The following VTI1A variants were observed in gnomAD, a reference collection of about 807,000 sequenced individuals.
VTI1A encodes the protein vesicle transport through interaction with t-SNAREs 1A, also known as vesicle transport through interaction with t-SNAREs homolog 1A.
In VTI1A, 22 loss-of-function variants were observed where a neutral mutation model predicts 34.9. That is an observed-to-expected ratio of 0.63 (90% CI 0.45 to 0.90). The LOEUF is 0.90. VTI1A is among the 40% of genes least tolerant of loss of function. The pLI, the probability that VTI1A is intolerant of heterozygous loss-of-function variation, is 0.00. For missense variants in VTI1A, 268 were observed against 275.6 expected (o/e 0.97, Z 0.20); for synonymous variants, 87 against 97.3 (o/e 0.89, Z 0.62).
At chr10:112,792,921 T>C (rs1284938709) in intron 7 of VTI1A, among the ~76,000 whole-genome samples, 1 of 152,176 alleles carries the variant, frequency 6.6e-6, no homozygotes, top group Admixed American at 6.5e-5. Flanking sequence ...ATGCTTTCAG[T>C]TGTTAATTGG....
intron 1 of VTI1A, chr10:112,450,594 G>A (rs41292620): frequency 6.6e-6 from 1 of 151,994 alleles, no homozygotes; most frequent in African/African-American, 2.4e-5. Flanking sequence ...TTACTCTGCT[G>A]TGCATGTTAC....
At chr10:112,500,581 G>T (rs545482842) in intron 3 of VTI1A, among the ~76,000 whole-genome samples, 2 of 152,222 alleles carry the variant, frequency 1.3e-5, no homozygotes, top group East Asian at 3.9e-4. Flanking sequence ...AAGCTAAGTG[G>T]CTTTCCACTG....
intron 5 of VTI1A, among the ~76,000 whole-genome samples, chr10:112,573,008 A>G (rs771364323): frequency 2.0e-5 from 3 of 151,878 alleles, no homozygotes; most frequent in Non-Finnish European, 4.4e-5. Context: ...ATCCCATCTC[A>G]CCACAATACT....
chr10:112,546,647 C>G lies in VTI1A; in HGVS notation c.427+8317C>G, dbSNP rs116621474. Among the ~76,000 whole-genome samples the G allele has an allele frequency of 4.1e-3, 624 of 151,944 alleles. 1 individual carries two copies. The highest frequency in any genetic ancestry group is 5.6e-3 in the African/African-American group (231 of 41,330). ...TTATTTTTGTCAAAACACATTTTAT[C>G]TCTATATTTAACACTACTCACATCC... On this transcript the variant is annotated intron_variant, in intron 5 of 7. Transcript: ENST00000393077.
chr10:112,701,386 G>A (rs945556412), intron 7 of VTI1A, among the ~76,000 whole-genome samples: 5 of 152,154 alleles, frequency 3.3e-5, no homozygotes, highest in African/African-American at 9.7e-5. Flanking sequence ...GGAAATTTAG[G>A]GGGGCTCTTC....
chr10:112,566,540 G>C (rs866828470), intron 5 of VTI1A, among the ~76,000 whole-genome samples: 2 of 152,072 alleles, frequency 1.3e-5, no homozygotes, highest in Non-Finnish European at 2.9e-5. Context: ...ATTTCTTTGC[G>C]AAAATACTCT....
intron 5 of VTI1A, among the ~76,000 whole-genome samples, chr10:112,618,516 T>TAGAGAGAGAGAGAGAG (rs1295144968): frequency 1.9e-3 from 86 of 46,382 alleles, no homozygotes; most frequent in African/African-American, 5.2e-3. Context: ...TATATATATA[T>TAGAGAGAGAGAGAGAG]ATATATATAG....
At chr10:112,540,664 C>T (rs1042651611) in intron 5 of VTI1A, among the ~76,000 whole-genome samples, 2 of 152,166 alleles carry the variant, frequency 1.3e-5, no homozygotes, top group East Asian at 1.9e-4. Context: ...GGGTGGGCAC[C>T]ATATTGCTTC....
chr10:112,655,757 C>G (rs1019715202), intron 5 of VTI1A, among the ~76,000 whole-genome samples: 13 of 152,140 alleles, frequency 8.5e-5, no homozygotes, highest in African/African-American at 2.2e-4. Flanking sequence ...TTTTGGACTA[C>G]AGAATGTTGA....
intron 7 of VTI1A, among the ~76,000 whole-genome samples, chr10:112,774,464 G>A (rs1339473397): frequency 6.6e-6 from 1 of 151,858 alleles, no homozygotes; most frequent in East Asian, 1.9e-4. Flanking sequence ...AGATGAGTGT[G>A]AAGAAGGTGA....
rs1846878812 is a variant in VTI1A, at chr10:112,447,319, C to T, written c.-55C>T. The T allele has an allele frequency of 2.0e-5, 32 of 1,571,386 alleles. No individual in the cohort carries two copies. Among genetic ancestry groups the T allele is most frequent in the Admixed American group, 3.6e-5 (2 of 55,872 alleles). Reference sequence around the variant, plus strand: ...AGCCGCGGGGCCCCTCGCTGCCCCTCGAGGCCCTTTCCCTGACCTAGGCTT... The same window carrying T: ...AGCCGCGGGGCCCCTCGCTGCCCCTTGAGGCCCTTTCCCTGACCTAGGCTT... On this transcript the variant is annotated 5_prime_UTR_variant, in exon 1 of 8. Transcript: ENST00000393077.
At chr10:112,736,602 ATAAGAAACC>A in intron 7 of VTI1A, 1 of 1,466,498 alleles carries the variant, frequency 6.8e-7, no homozygotes, top group Non-Finnish European at 9.1e-7. Flanking sequence ...GGCTCCTCTG[ATAAGAAACC>A]AAAGCCTGCT....
intron 7 of VTI1A, among the ~76,000 whole-genome samples, chr10:112,755,858 C>T (rs1226629984): frequency 3.9e-5 from 6 of 152,152 alleles, no homozygotes; most frequent in Non-Finnish European, 8.8e-5. Flanking sequence ...GTGCAGTCAG[C>T]CTGTCTGCAG....
intron 7 of VTI1A, among the ~76,000 whole-genome samples, chr10:112,728,154 G>A (rs1048104460): frequency 2.6e-5 from 4 of 151,864 alleles, no homozygotes; most frequent in Admixed American, 6.6e-5. Context: ...CAGTCCCTGC[G>A]TAAAGAGACA....
At chr10:112,648,895 T>A (rs899873271) in intron 5 of VTI1A, among the ~76,000 whole-genome samples, 1 of 152,208 alleles carries the variant, frequency 6.6e-6, no homozygotes, top group African/African-American at 2.4e-5. Flanking sequence ...GTAAAATATA[T>A]ATCTATTAAA....
chr10:112,565,624 G>T (rs961971999), intron 5 of VTI1A, among the ~76,000 whole-genome samples: 1 of 152,080 alleles, frequency 6.6e-6, no homozygotes, highest in Non-Finnish European at 1.5e-5. Context: ...TCCTCATGCT[G>T]TATTATACTT....
chr10:112,584,588 G>C (rs1844076792), intron 5 of VTI1A, among the ~76,000 whole-genome samples: 1 of 152,196 alleles, frequency 6.6e-6, no homozygotes, highest in Non-Finnish European at 1.5e-5. Context: ...CAGCTGACTT[G>C]CTTGCCTTAG....
intron 3 of VTI1A, among the ~76,000 whole-genome samples, chr10:112,494,701 G>A (rs1848951501): frequency 6.6e-6 from 1 of 152,050 alleles, no homozygotes; most frequent in Non-Finnish European, 1.5e-5. Flanking sequence ...TAGAGACAGT[G>A]TTTCACCATG....
At chr10:112,776,387 G>A (rs1258256310) in intron 7 of VTI1A, among the ~76,000 whole-genome samples, 2 of 152,170 alleles carry the variant, frequency 1.3e-5, no homozygotes, top group Non-Finnish European at 2.9e-5. Flanking sequence ...GGGGAGCTCA[G>A]GAGTAAGGCT....
Sources: allele counts gnomAD v4.1 joint callset (sites outside exome capture counted in the v4.1 genomes callset), GRCh38; gene constraint gnomAD v4.1.1; transcripts MANE v1.5; gene names NCBI Gene and HGNC (gene_info 2026-07-23, HGNC 2026-07-21).